Variants in THSD7B observed in about 807,000 individuals in gnomAD.
THSD7B encodes thrombospondin type-1 domain-containing protein 7B.
In THSD7B, 138 loss-of-function variants were observed where a neutral mutation model predicts 213.6. That is an observed-to-expected ratio of 0.65 (90% CI 0.56 to 0.74). The LOEUF (loss-of-function observed/expected upper bound fraction) is 0.74, where lower values mean the gene tolerates loss of function less well. Ranked by LOEUF, THSD7B falls within the 30% of genes least tolerant of loss-of-function variation. The pLI is 0.00. For missense variants in THSD7B, 1,931 were observed against 1,991.5 expected, an observed-to-expected ratio of 0.97 and a Z score of 0.58; for synonymous variants, 742 against 687.0, an observed-to-expected ratio of 1.08 and a Z score of -1.25.
chr2:137,343,484 T>G (rs935922), intron 12 of THSD7B, among the ~76,000 whole-genome samples: 150,384 of 151,794 alleles, frequency 0.99, 74,517 homozygotes, highest in Non-Finnish European at 1. Context: ...TCTGAGAGGA[T>G]AATTGTTTCA....
chr2:137,377,677 A>G (rs1267097563), intron 12 of THSD7B, among the ~76,000 whole-genome samples: 1 of 149,946 alleles, frequency 6.7e-6, no homozygotes, highest in Non-Finnish European at 1.5e-5. Flanking sequence ...CCCAGGCTGG[A>G]GTATAGTGGT....
chr2:137,171,229 C>T (rs1680244645), intron 7 of THSD7B, among the ~76,000 whole-genome samples: 1 of 152,112 alleles, frequency 6.6e-6, no homozygotes, highest in Non-Finnish European at 1.5e-5. Context: ...GAACAAATCT[C>T]TTGGATAGTG....
intron 1 of THSD7B, among the ~76,000 whole-genome samples, chr2:136,774,375 C>T (rs569371442): frequency 6.6e-6 from 1 of 152,102 alleles, no homozygotes; most frequent in East Asian, 1.9e-4. Flanking sequence ...GATTCATTCC[C>T]TGGTAGGTAG....
At chr2:137,071,889 G>C (rs1188931287) in intron 3 of THSD7B, among the ~76,000 whole-genome samples, 5 of 152,184 alleles carry the variant, frequency 3.3e-5, no homozygotes, top group South Asian at 2.1e-4. Flanking sequence ...TCTTGTTTTT[G>C]TCAGGTTTGT....
At chr2:137,398,792 A>T (rs186894173) in intron 12 of THSD7B, among the ~76,000 whole-genome samples, 1 of 152,154 alleles carries the variant, frequency 6.6e-6, no homozygotes, top group Admixed American at 6.5e-5. Flanking sequence ...TTGATCTCAG[A>T]CTGCTGTGCT....
intron 10 of THSD7B, among the ~76,000 whole-genome samples, chr2:137,244,325 A>G (rs1409544157): frequency 6.6e-6 from 1 of 152,216 alleles, no homozygotes; most frequent in Non-Finnish European, 1.5e-5. Context: ...TGTTATAAGA[A>G]GAGACTGGAT....
At chr2:136,794,889 A>T (rs1306460508) in intron 1 of THSD7B, among the ~76,000 whole-genome samples, 1 of 151,960 alleles carries the variant, frequency 6.6e-6, no homozygotes, top group African/African-American at 2.4e-5. Context: ...TTAAATTGAC[A>T]CTTGTACACT....
chr2:137,415,238 T>C (rs879424343), intron 14 of THSD7B, among the ~76,000 whole-genome samples: 4 of 152,066 alleles, frequency 2.6e-5, no homozygotes, highest in Non-Finnish European at 5.9e-5. Flanking sequence ...GACTTCTTCA[T>C]GAGGATAATT....
chr2:137,198,719 T>C (rs888329164), intron 7 of THSD7B, among the ~76,000 whole-genome samples: 9 of 152,298 alleles, frequency 5.9e-5, no homozygotes, highest in African/African-American at 2.2e-4. Flanking sequence ...TTACCATTTC[T>C]GTGGATTCTC....
At chr2:136,819,687 C>T (rs1359249151) in intron 1 of THSD7B, among the ~76,000 whole-genome samples, 2 of 144,006 alleles carry the variant, frequency 1.4e-5, no homozygotes, top group Non-Finnish European at 3.0e-5. Context: ...CTTGCTTATG[C>T]CCCCCCCAGT....
chr2:137,023,835 C>T (rs1686492568), intron 2 of THSD7B, among the ~76,000 whole-genome samples: 2 of 151,874 alleles, frequency 1.3e-5, no homozygotes, highest in Non-Finnish European at 2.9e-5. Flanking sequence ...GTATGAGCCA[C>T]CTACATAATA....
intron 7 of THSD7B, among the ~76,000 whole-genome samples, chr2:137,183,083 G>A (rs1680485128): frequency 6.6e-6 from 1 of 152,104 alleles, no homozygotes; most frequent in Non-Finnish European, 1.5e-5. Context: ...AATGACAACT[G>A]ATTTCAGGCA....
chr2:136,878,789 T>C (rs909383216), intron 1 of THSD7B, among the ~76,000 whole-genome samples: 6 of 152,252 alleles, frequency 3.9e-5, no homozygotes, highest in Non-Finnish European at 7.3e-5. Flanking sequence ...TAAATTTGTT[T>C]GAGTTCTTTG....
intron 7 of THSD7B, among the ~76,000 whole-genome samples, chr2:137,214,211 A>G (rs1681182475): frequency 6.6e-6 from 1 of 152,084 alleles, no homozygotes; most frequent in Non-Finnish European, 1.5e-5. Flanking sequence ...AGCATTTAAC[A>G]TTGTCACCAT....
intron 12 of THSD7B, among the ~76,000 whole-genome samples, chr2:137,339,718 A>G (rs554634883): frequency 1.2e-4 from 18 of 151,954 alleles, no homozygotes; most frequent in African/African-American, 4.3e-4. Context: ...TTGGTGAGGA[A>G]GGGGACAGAC....
intron 15 of THSD7B, among the ~76,000 whole-genome samples, chr2:137,475,256 C>T (rs922419647): frequency 3.9e-5 from 6 of 152,120 alleles, no homozygotes; most frequent in Admixed American, 2.6e-4. Context: ...CATTTTGTTA[C>T]ATGCATAGAA....
intron 5 of THSD7B, among the ~76,000 whole-genome samples, chr2:137,146,344 A>G (rs1044698022): frequency 6.6e-6 from 1 of 152,138 alleles, no homozygotes; most frequent in Admixed American, 6.6e-5. Flanking sequence ...GAAAAGCACA[A>G]CAAAGCCGAG....
chr2:137,272,989 GAGA>G (rs1682781931), intron 11 of THSD7B, among the ~76,000 whole-genome samples: 1 of 149,008 alleles, frequency 6.7e-6, no homozygotes, highest in African/African-American at 2.5e-5. Context: ...TGGGGGCTGG[GAGA>G]AGAAATACAC....
intron 17 of THSD7B, among the ~76,000 whole-genome samples, chr2:137,580,240 T>G (rs750944306): frequency 6.6e-6 from 1 of 152,110 alleles, no homozygotes; most frequent in Non-Finnish European, 1.5e-5. Flanking sequence ...TTATTTCTAT[T>G]TTTGCTGTAC....
Sources: allele counts gnomAD v4.1 joint callset (sites outside exome capture counted in the v4.1 genomes callset), GRCh38; gene constraint gnomAD v4.1.1; transcripts MANE v1.5; gene names NCBI Gene and HGNC (gene_info 2026-07-23, HGNC 2026-07-21).